Variants in CAMK1 observed in about 807,000 individuals in gnomAD.
The protein encoded by CAMK1 is calcium/calmodulin dependent protein kinase I, also known as calcium/calmodulin-dependent protein kinase type 1.
CAMK1 carries 39 observed loss-of-function variants against 49.1 expected under a neutral mutation model. The observed-to-expected ratio is 0.79, with a 90% CI of 0.62 to 1.04. The LOEUF is 1.04. CAMK1 is among the 50% of genes least tolerant of loss of function. The pLI is 0.00. For missense variants in CAMK1, 457 were observed against 472.2 expected, an observed-to-expected ratio of 0.97 and a Z score of 0.30; for synonymous variants, 192 against 185.2, an observed-to-expected ratio of 1.04 and a Z score of -0.30.
intron 1 of CAMK1, among the ~76,000 whole-genome samples, chr3:9,769,391 C>G (rs2078245308): frequency 6.6e-6 from 1 of 152,042 alleles, no homozygotes; most frequent in African/African-American, 2.4e-5. Context: ...AATTGTACAC[C>G]CCCTCCTAAC....
intron 10 of CAMK1, chr3:9,759,227 C>T (rs1280508656): frequency 4.3e-6 from 7 of 1,614,036 alleles, no homozygotes; most frequent in Non-Finnish European, 5.9e-6. Context: ...TTTCTCGGAC[C>T]CCATAGGCTG....
intron 2 of CAMK1, chr3:9,766,276 T>C (rs1277666752): frequency 8.5e-6 from 6 of 703,788 alleles, no homozygotes; most frequent in Non-Finnish European, 1.6e-5. Context: ...ATATATTTCC[T>C]GATAACATTA....
At chr3:9,759,261 A>G in intron 10 of CAMK1, 2 of 1,613,954 alleles carry the variant, frequency 1.2e-6, no homozygotes, top group Non-Finnish European at 1.7e-6. Context: ...CTGAAGAATT[A>G]CAGACTTCTT....
At chr3:9,769,440 A>C (rs983261312) in intron 1 of CAMK1, among the ~76,000 whole-genome samples, 3 of 152,026 alleles carry the variant, frequency 2.0e-5, no homozygotes, top group Non-Finnish European at 4.4e-5. Flanking sequence ...CCAGCACACA[A>C]AACACGTGGA....
intron 7 of CAMK1, 131 bp from the exon 8 acceptor site, chr3:9,760,899 C>G: frequency 7.4e-7 from 1 of 1,350,166 alleles, no homozygotes; most frequent in Non-Finnish European, 1.0e-6. Context: ...TCTACCAGCC[C>G]TGCCTGCTCA....
rs576720672 is a variant in CAMK1 at position 9,765,827 on chromosome 3, T to C, written c.147A>G (p.Lys49=). The change falls in exon 3 of 12, where the codon AAA becomes AAG. Residue 49 remains lysine (K), a synonymous_variant. Transcript: ENST00000256460. ...DKRTQKLVAI[K]CIAKEALEGK... is the part of the protein sequence containing the mutation. ...CCTCCAGGGCCTCCTTGGCAATGCA[T>C]TTGATGGCCACCAGCTTCTGCGTCC... is the stretch of plus-strand genomic sequence containing the variant. The C allele has an allele frequency of 1.2e-5, 20 of 1,614,070 alleles. 1 individual carries two copies. The South Asian group carries it at 2.1e-4, about 17-fold the overall frequency.
chr3:9,765,183 C>T (rs1462684263), intron 3 of CAMK1, among the ~76,000 whole-genome samples: 1 of 150,528 alleles, frequency 6.6e-6, no homozygotes, highest in African/African-American at 2.5e-5. Context: ...GCCAAGATTG[C>T]GTCACTGCAC....
intron 10 of CAMK1, chr3:9,758,429 ATC>A (rs1362342514): frequency 1.3e-5 from 2 of 154,330 alleles, no homozygotes; most frequent in African/African-American, 4.8e-5. Context: ...AGCCCTTGAC[ATC>A]TCTTTCCCCC....
intron 2 of CAMK1, among the ~76,000 whole-genome samples, chr3:9,767,014 A>C (rs1338914336): frequency 6.6e-6 from 1 of 151,960 alleles, no homozygotes. Context: ...CTGTGATTTT[A>C]AGCTCCATCA....
chr3:9,759,335 A>G, intron 10 of CAMK1, 153 bp downstream of exon 10: 1 of 1,567,368 alleles, frequency 6.4e-7, no homozygotes, highest in Non-Finnish European at 8.8e-7. Context: ...TGTTTGTTGA[A>G]TGAAAGAGTG....
chr3:9,759,656 T>A lies in CAMK1; in HGVS notation c.824+16A>T, dbSNP rs2077752956. The A allele has an allele frequency of 3.1e-6, 5 of 1,614,080 alleles. No homozygotes were observed. Among genetic ancestry groups the A allele is most frequent in the Non-Finnish European group, 3.4e-6 (4 of 1,179,978 alleles). On this transcript the variant is annotated intron_variant, in intron 9 of 11. Transcript: ENST00000256460. The stretch of plus-strand genomic sequence containing the variant: ...CCCAAATCCCGCCCCAGCTCACAGG[T>A]TGTGTGAATTCTCACCATGGGTGCT...
At position 9,767,689 on chromosome 3, in the gene CAMK1, C is replaced by G. The variant is rs779343393; in HGVS notation, c.61G>C (p.Asp21His). The G allele has an allele frequency of 6.2e-7, 1 of 1,614,154 alleles. No individual in the cohort carries two copies. Among genetic ancestry groups the G allele is most frequent in the East Asian group, 2.2e-5 (1 of 44,876 alleles). The change falls in exon 2 of 12, where the codon GAC becomes CAC. Residue 21 changes from aspartate to histidine, a missense_variant. Coordinates refer to ENST00000256460, the MANE Select transcript of CAMK1 (RefSeq NM_003656.5). ...KQAEDIRDIY[D>H]FRDVLGTGAF... ...CACGTGCCCAGAACATCTCGGAAGT[C>G]GTAGATGTCTCTAATGTCCTCCGCC... is the stretch of plus-strand genomic sequence containing the variant.
At chr3:9,759,385 C>G (rs2077738727) in intron 10 of CAMK1, 103 bp downstream of exon 10, 2 of 1,565,800 alleles carry the variant, frequency 1.3e-6, no homozygotes, top group Non-Finnish European at 1.8e-6. Flanking sequence ...TAAGCAGTTA[C>G]TGTGTGCCCA....
Position 9,765,857 on chromosome 3 carries a change from A to G in CAMK1, c.117T>C (p.Asp39=), listed in dbSNP as rs772044654. The G allele has an allele frequency of 1.2e-6, 2 of 1,613,502 alleles. No homozygotes were observed. Among genetic ancestry groups the G allele is most frequent in the Non-Finnish European group, 1.7e-6 (2 of 1,179,882 alleles). ...GAFSEVILAE[D]KRTQKLVAIK... ...TGGCCACCAGCTTCTGCGTCCTCTT[A>G]TCTTCTGCCAGGATCACCTCCGAGA... is the stretch of plus-strand genomic sequence containing the variant. The change falls in exon 3 of 12, where the codon GAT becomes GAC. Residue 39 remains aspartate, a synonymous_variant. Coordinates refer to ENST00000256460, the MANE Select transcript of CAMK1 (RefSeq NM_003656.5).
In CAMK1 at chr3:9,757,962, A is replaced by G. The variant is rs979685074; in HGVS notation, c.913-116T>C. 8.1e-6 allele frequency: 12 copies of G among 1,473,924 alleles called. No individual in the cohort carries two copies. 91.3% of individuals were successfully genotyped at this position (1,473,924 alleles called of 1,614,324 possible). ...GTTCTGTTATTTTCATTCAGGAGTT[A>G]TTTTATTAATTCCCCTAAAGCCCCC... On this transcript the variant is annotated intron_variant, in intron 10 of 11. Transcript: ENST00000256460. The surrounding 1 kb of genome is among the most constrained non-coding windows in gnomAD (Gnocchi z 4.5).
rs1009136158 is a variant in CAMK1, at chr3:9,762,680, T to A, written c.429+234A>T. Among the ~76,000 whole-genome samples, 11 of 152,250 alleles carry A rather than the reference T, an allele frequency of 7.2e-5. No homozygotes were observed. In the South Asian group the frequency reaches 1.2e-3, roughly 17 times the overall value. ...CTGTCTGGCCAGATTTTTTTTTTTT[T>A]AATCAGAAAAAGACAAAATGTTGTT... On this transcript the variant is annotated intron_variant, in intron 5 of 11. Transcript: ENST00000256460.
At position 9,759,724 on chromosome 3, in the gene CAMK1, C is replaced by T; in HGVS notation, c.772G>A (p.Glu258Lys). The T allele has an allele frequency of 1.2e-6, 2 of 1,614,168 alleles. No homozygotes were observed. Among genetic ancestry groups the T allele is most frequent in the Non-Finnish European group, 1.7e-6 (2 of 1,180,032 alleles). ...SAKDFIRHLM[E>K]KDPEKRFTCE... ...GTGAATCTTTTCTCTGGGTCCTTCT[C>T]CATCAAGTGCCGGATGAAATCTTTG... is the stretch of plus-strand genomic sequence containing the variant. The change falls in exon 9 of 12, where the codon GAG (glutamate) becomes AAG (lysine). Residue 258 changes from glutamate to lysine, a missense_variant. By Grantham distance (56) the Glu-to-Lys change is moderately conservative. Coordinates refer to ENST00000256460, the MANE Select transcript of CAMK1 (RefSeq NM_003656.5).
rs1253473295 is a variant in CAMK1, at chr3:9,769,842, C to T, written c.-43G>A. 3 of 152,254 alleles carry T rather than the reference C, an allele frequency of 2.0e-5. No individual in the cohort carries two copies. Among genetic ancestry groups the T allele is most frequent in the Admixed American group, 2.0e-4 (3 of 15,282 alleles). The allele number at this position is 152,254 out of a possible 1,614,324, so 9.4% of individuals were successfully genotyped here. A position where few individuals can be genotyped will look rare whatever the true frequency, so the allele number is the denominator to read the frequency against. ...GGGGCCCGGCTGTACCTGCGGCTGC[C>T]CCGCCGCGGGGCTGGCTGGGAGGCC... On this transcript the variant is annotated 5_prime_UTR_variant, in exon 1 of 12. Coordinates refer to ENST00000256460, the MANE Select transcript of CAMK1 (RefSeq NM_003656.5).
chr3:9,768,328 A>G (rs2078213119), intron 1 of CAMK1, among the ~76,000 whole-genome samples: 1 of 152,178 alleles, frequency 6.6e-6, no homozygotes, highest in Non-Finnish European at 1.5e-5. Context: ...CAGCAACAAC[A>G]GCCACAGCTG....
Sources: gnomAD v4.1 joint callset for allele counts (sites outside exome capture counted in the v4.1 genomes callset) on GRCh38, gnomAD v4.1.1 for gene constraint, Gnocchi (gnomAD v3.1) non-coding constraint, MANE v1.5 for transcripts, NCBI Gene and HGNC (gene_info 2026-07-23, HGNC 2026-07-21) for gene names.